The following IRF4 variants were observed in gnomAD, a reference collection of about 807,000 sequenced individuals.
IRF4 encodes interferon regulatory factor 4.
Under a neutral mutation model 55.5 loss-of-function variants are expected in IRF4, and 13 were observed. The observed-to-expected ratio is 0.23, with a 90% CI of 0.15 to 0.37. The LOEUF (loss-of-function observed/expected upper bound fraction) is 0.37. Ranked by LOEUF, IRF4 falls within the 10% of genes least tolerant of loss-of-function variation. The pLI is 1.00. For missense variants in IRF4, 397 were observed against 593.8 expected (o/e 0.67, Z 3.44); for synonymous variants, 249 against 240.7 (o/e 1.03, Z -0.32).
intron 8 of IRF4, among the ~76,000 whole-genome samples, chr6:405,889 C>T (rs114399431): frequency 0.019 from 2,954 of 152,306 alleles, 80 homozygotes; most frequent in African/African-American, 0.061. Context: ...TTGAAAACTT[C>T]ACATTGCTAC....
rs866890081 is a variant in IRF4 at position 409,918 on chromosome 6, G to A, written c.*2320G>A. ...TAAATATTATGCTGCTTTAACAGTG[G>A]AGCTGAATTTTCTGGAAAATGCTTC... On this transcript the variant is annotated 3_prime_UTR_variant, in exon 9 of 9. Transcript: ENST00000380956. 4.4e-6 allele frequency: 1 copy of A among 229,640 alleles called. No homozygotes were observed. Among genetic ancestry groups the A allele is most frequent in the Non-Finnish European group, 8.6e-6 (1 of 115,686 alleles). The allele number at this position is 229,640 out of a possible 1,614,324, so 14.2% of individuals were successfully genotyped here. A position where few individuals can be genotyped will look rare whatever the true frequency, so the allele number is the denominator to read the frequency against.
In IRF4 at chr6:405,046, C is replaced by T. The variant is rs1433379078; in HGVS notation, c.1128C>T (p.Arg376=). The stretch of plus-strand genomic sequence containing the variant: ...TGCAAGCGTTTGCTCACCACGGCCG[C>T]TCCCTGCCAAGATTCCAGGTGACTC... ...SELQAFAHHG[R]SLPRFQVTLC... is the part of the protein sequence containing the mutation. The change falls in exon 8 of 9, where the codon CGC becomes CGT. Residue 376 remains arginine (R), a synonymous_variant. Transcript: ENST00000380956. 1 of 1,614,042 alleles carries T rather than the reference C, an allele frequency of 6.2e-7. No individual in the cohort carries two copies. Among genetic ancestry groups the T allele is most frequent in the Admixed American group, 1.7e-5 (1 of 60,032 alleles).
At chr6:401,879 TCCTGTTGACTTCGGCG>T (rs1264989795) in intron 7 of IRF4, 102 bp downstream of exon 7, 1 of 1,025,348 alleles carries the variant, frequency 9.8e-7, no homozygotes, top group Non-Finnish European at 1.5e-6. Flanking sequence ...GAGGTCTTCC[TCCTGTTGACTTCGGCG>T]CCCACTGGGC....
intron 3 of IRF4, 43 bp from the exon 4 acceptor site, chr6:395,804 C>T: frequency 6.9e-7 from 1 of 1,450,600 alleles, no homozygotes; most frequent in Non-Finnish European, 9.6e-7. Flanking sequence ...AGGTCAGTTC[C>T]TGTTTTTACG....
intron 6 of IRF4, among the ~76,000 whole-genome samples, chr6:399,355 C>T (rs959006090): frequency 6.6e-6 from 1 of 152,166 alleles, no homozygotes; most frequent in African/African-American, 2.4e-5. Context: ...AAGTCCTCCT[C>T]CTCTACTCCC....
rs1017601354 is a variant in IRF4, at chr6:408,220, C to G, written c.*622C>G. ...GGAAGTAAGATGTAAATTGAAGAAG[C>G]CTCACACGTAAAAGAAATGTATTAA... is the stretch of plus-strand genomic sequence containing the variant. On this transcript the variant is annotated 3_prime_UTR_variant, in exon 9 of 9. Coordinates refer to ENST00000380956, the MANE Select transcript of IRF4 (RefSeq NM_002460.4). The G allele has an allele frequency of 4.3e-6, 1 of 233,020 alleles. No individual in the cohort carries two copies. The allele number at this position is 233,020 out of a possible 1,614,324, so 14.4% of individuals were successfully genotyped here.
In IRF4 at chr6:407,945, C is replaced by T. The variant is rs1193443943; in HGVS notation, c.*347C>T. Reference sequence around the variant, plus strand: ...TTGCGGCGAGACAAGCATGGAAAATCAGTGACATCTGATTGGCAGATGAGC... The same window carrying T: ...TTGCGGCGAGACAAGCATGGAAAATTAGTGACATCTGATTGGCAGATGAGC... On this transcript the variant is annotated 3_prime_UTR_variant, in exon 9 of 9. Transcript: ENST00000380956. The T allele has an allele frequency of 6.3e-6, 2 of 316,932 alleles. No individual in the cohort carries two copies. Among genetic ancestry groups the T allele is most frequent in the Non-Finnish European group, 1.2e-5 (2 of 171,884 alleles). 19.6% of individuals were successfully genotyped at this position (316,932 alleles called of 1,614,324 possible).
chr6:403,118 G>A lies in IRF4; in HGVS notation c.1099+1341G>A, dbSNP rs1313418560. ...AACTGTGCTGGTTCCCCGAGGCGGCGGCAAGTGAGGAAGTCACCTGGGGCT... is the reference window on the plus strand; with the variant it reads ...AACTGTGCTGGTTCCCCGAGGCGGCAGCAAGTGAGGAAGTCACCTGGGGCT... On this transcript the variant is annotated intron_variant, in intron 7 of 8. Coordinates refer to ENST00000380956, the MANE Select transcript of IRF4 (RefSeq NM_002460.4). 9.2e-5 allele frequency among the ~76,000 whole-genome samples: 14 copies of A among 152,252 alleles called. 1 individual carries two copies. Among genetic ancestry groups the A allele is most frequent in the African/African-American group, 2.9e-4 (12 of 41,464 alleles).
At chr6:403,493 C>T (rs1396947313) in intron 7 of IRF4, among the ~76,000 whole-genome samples, 1 of 152,216 alleles carries the variant, frequency 6.6e-6, no homozygotes, top group Admixed American at 6.5e-5. Flanking sequence ...GGAGGTAGAG[C>T]CCCCGTGGTG....
At position 401,512 on chromosome 6, in the gene IRF4, T is replaced by C. The variant is rs965751252; in HGVS notation, c.834T>C (p.His278=). Residue 278 remains histidine (H), a synonymous_variant, in exon 7 of 9, where the codon CAT becomes CAC. Coordinates refer to ENST00000380956, the MANE Select transcript of IRF4 (RefSeq NM_002460.4). ...GCCCCGAGGGCTGCCGGATCTCCCA[T>C]GGACATACGTATGACGCCAGCAACC... ...TSSPEGCRIS[H]GHTYDASNLD... 4 of 1,613,918 alleles carry C rather than the reference T, an allele frequency of 2.5e-6. No homozygotes were observed. Among genetic ancestry groups the C allele is most frequent in the Non-Finnish European group, 3.4e-6 (4 of 1,180,048 alleles).
intron 5 of IRF4, 132 bp downstream of exon 5, chr6:397,384 GGA>G (rs1226606058): frequency 1.8e-5 from 19 of 1,066,472 alleles, no homozygotes; most frequent in African/African-American, 8.0e-5. Context: ...TGCAGCTCGG[GGA>G]GAGGGGGGTT....
At chr6:407,305 TTA>T in intron 8 of IRF4, 148 bp from the exon 9 acceptor site, 1 of 741,836 alleles carries the variant, frequency 1.3e-6, no homozygotes, top group East Asian at 3.1e-5. Context: ...AATTGCTTCT[TTA>T]GATGGCTCCA....
chr6:398,105 A>T (rs1761313515), intron 5 of IRF4, among the ~76,000 whole-genome samples: 4 of 152,216 alleles, frequency 2.6e-5, no homozygotes, highest in Admixed American at 2.6e-4. Flanking sequence ...TTCAAGAGGG[A>T]TTTGCAGCAA....
chr6:406,251 A>G (rs1415531890), intron 8 of IRF4, among the ~76,000 whole-genome samples: 1 of 152,264 alleles, frequency 6.6e-6, no homozygotes, highest in African/African-American at 2.4e-5. Context: ...GCATTTAAGA[A>G]GTTGATGATC....
At chr6:407,039 C>G (rs1761564936) in intron 8 of IRF4, 1 of 429,676 alleles carries the variant, frequency 2.3e-6, no homozygotes, top group African/African-American at 2.2e-5. Context: ...TACAGATTAC[C>G]TAGAAATCAA....
chr6:395,010 A>G lies in IRF4; in HGVS notation c.403+3A>G. On this transcript the variant is annotated splice_donor_region_variant and intron_variant, in intron 3 of 8. Coordinates refer to ENST00000380956, the MANE Select transcript of IRF4 (RefSeq NM_002460.4). The stretch of plus-strand genomic sequence containing the variant: ...TGTTCCTGAGGGAGCCAAAAAAGGT[A>G]GGGGCTCTCCTGAATTTGGGTCACC... 6.3e-7 allele frequency: 1 copy of G among 1,588,626 alleles called. No homozygotes were observed. Among genetic ancestry groups the G allele is most frequent in the Non-Finnish European group, 8.6e-7 (1 of 1,166,578 alleles).
At chr6:399,030 C>G (rs1358822070) in intron 6 of IRF4, 95 bp downstream of exon 6, 4 of 758,830 alleles carry the variant, frequency 5.3e-6, no homozygotes, top group Non-Finnish European at 8.5e-6. Flanking sequence ...ACTTTAGACA[C>G]TTGCTTTGCT....
Position 410,619 on chromosome 6 carries a change from G to A in IRF4, c.*3021G>A. On this transcript the variant is annotated 3_prime_UTR_variant, in exon 9 of 9. Transcript: ENST00000380956. The stretch of plus-strand genomic sequence containing the variant: ...GGGGTGGAACAACTCTGGGAGTCTT[G>A]GGTACTCGCACCTCTTGGCTTTGTT... 4.3e-6 allele frequency: 1 copy of A among 231,118 alleles called. No individual in the cohort carries two copies. The highest frequency in any genetic ancestry group is 8.6e-6 in the Non-Finnish European group (1 of 116,654). The allele number at this position is 231,118 out of a possible 1,614,324, so 14.3% of individuals were successfully genotyped here.
In IRF4 at chr6:393,854, T is replaced by G. The variant is rs1305003115; in HGVS notation, c.216+486T>G. 6.6e-6 allele frequency among the ~76,000 whole-genome samples: 1 copy of G among 152,146 alleles called. No individual in the cohort carries two copies. The highest frequency in any genetic ancestry group is 1.5e-5 in the Non-Finnish European group (1 of 68,014). On this transcript the variant is annotated intron_variant, in intron 2 of 8. Coordinates refer to ENST00000380956, the MANE Select transcript of IRF4 (RefSeq NM_002460.4). This position sits in a 1 kb window ranked among gnomAD's most constrained non-coding sequence, Gnocchi z 5.4. ...CTCTCTGAGTCTCTCTCTCTCCATGTTTTTCCTGAGGTCAGCCTCTCTTCT... is the reference window on the plus strand; with the variant it reads ...CTCTCTGAGTCTCTCTCTCTCCATGGTTTTCCTGAGGTCAGCCTCTCTTCT...
Sources: allele counts gnomAD v4.1 joint callset (sites outside exome capture counted in the v4.1 genomes callset), GRCh38; gene constraint gnomAD v4.1.1; non-coding constraint Gnocchi (gnomAD v3.1); transcripts MANE v1.5; gene names NCBI Gene and HGNC (gene_info 2026-07-23, HGNC 2026-07-21).